The following DCDC1 variants were observed in gnomAD, a reference collection of about 807,000 sequenced individuals.
DCDC1 encodes doublecortin domain-containing protein 1.
Under a neutral mutation model 178.3 loss-of-function variants are expected in DCDC1, and 200 were observed. The observed-to-expected ratio is 1.12, with a 90% confidence interval of 1.00 to 1.26. The LOEUF (loss-of-function observed/expected upper bound fraction) is 1.26, where lower values mean the gene tolerates loss of function less well. Ranked by LOEUF, DCDC1 falls within the 50% of genes most tolerant of loss-of-function variation. DCDC1 has a pLI of 0.00. For synonymous variants in DCDC1, 690 were observed against 604.8 expected (o/e 1.14, Z -2.07); for missense variants, 1,983 against 1,749.2 (o/e 1.13, Z -2.38).
chr11:31,290,181 T>A (rs549919985), intron 7 of DCDC1, among the ~76,000 whole-genome samples: 17 of 152,020 alleles, frequency 1.1e-4, no homozygotes, highest in Non-Finnish European at 2.1e-4. Flanking sequence ...TAAAAACTTA[T>A]ATGAATACTT....
At chr11:30,962,654 T>C (rs1167297130) in intron 20 of DCDC1, among the ~76,000 whole-genome samples, 1 of 152,066 alleles carries the variant, frequency 6.6e-6, no homozygotes, top group Non-Finnish European at 1.5e-5. Flanking sequence ...AGTACATATA[T>C]ATTTAGTCTA....
At chr11:31,189,637 G>T (rs947420126) in intron 9 of DCDC1, among the ~76,000 whole-genome samples, 8 of 152,158 alleles carry the variant, frequency 5.3e-5, no homozygotes, top group Non-Finnish European at 1.2e-4. Context: ...GCTTCTAGAG[G>T]CTGTCAGCTT....
chr11:30,881,307 A>T lies in DCDC1; in HGVS notation c.5084T>A (p.Leu1695Gln). ...GAGACGAGAGGAGCAGTCTTGCAGC[A>T]GCTGAGACACAGAGGGACAGCCACA... ...TYAWGKTISELLQDCSSRLKM... is the reference protein window; with the variant it reads ...TYAWGKTISEQLQDCSSRLKM... The change falls in exon 37 of 39, where the codon CTG becomes CAG. Residue 1695 changes from leucine (L) to glutamine (Q), a missense_variant and splice_region_variant. Coordinates refer to ENST00000684477, the MANE Select transcript of DCDC1 (RefSeq NM_001387274.1). The T allele has an allele frequency of 1.2e-6, 2 of 1,612,976 alleles. No individual in the cohort carries two copies. The highest frequency in any genetic ancestry group is 1.7e-6 in the Non-Finnish European group (2 of 1,179,374).
At chr11:31,066,753 G>A (rs1249240369) in intron 18 of DCDC1, among the ~76,000 whole-genome samples, 3 of 152,120 alleles carry the variant, frequency 2.0e-5, no homozygotes, top group African/African-American at 7.2e-5. Context: ...TTTTAGGGCT[G>A]TTAAACTATT....
rs117897217 is a variant in DCDC1, at chr11:31,101,567, T to C, written c.1983+610A>G. On this transcript the variant is annotated intron_variant, in intron 15 of 38. Coordinates refer to ENST00000684477, the MANE Select transcript of DCDC1 (RefSeq NM_001387274.1). The stretch of plus-strand genomic sequence containing the variant: ...AAGACTTCCTTAAATAACTCCAACT[T>C]ATTATTATAGCTATTAACAGTACAA... Among the ~76,000 whole-genome samples the C allele has an allele frequency of 9.0e-3, 1,368 of 152,230 alleles. 16 individuals carry two copies. The highest frequency in any genetic ancestry group is 0.015 in the Non-Finnish European group (1,022 of 67,998).
chr11:31,086,994 G>A (rs576782852), intron 17 of DCDC1, among the ~76,000 whole-genome samples: 12 of 152,210 alleles, frequency 7.9e-5, no homozygotes, highest in Admixed American at 2.6e-4. Context: ...GAATTTCCCA[G>A]TGAAGCTAGT....
intron 7 of DCDC1, among the ~76,000 whole-genome samples, chr11:31,282,060 T>C (rs945538543): frequency 6.6e-6 from 1 of 152,128 alleles, no homozygotes; most frequent in Admixed American, 6.6e-5. Context: ...TTTTCTTTTC[T>C]AGTAATGTCT....
At position 30,952,497 on chromosome 11, in the gene DCDC1, C is replaced by T; in HGVS notation, c.2663G>A (p.Trp888Ter). The stretch of plus-strand genomic sequence containing the variant: ...AGGCCACATGTAGGTAAGCTTGTTC[C>T]ATAGAGGATTTTCAACTCTAGAATG... ...WKHSRVENPL[W>*]NKLTYMWPVL... The change falls in exon 21 of 39, where the codon TGG (tryptophan) becomes TAG (stop). Residue 888 changes from tryptophan to a stop codon, truncating the protein, a stop_gained. Coordinates refer to ENST00000684477, the MANE Select transcript of DCDC1 (RefSeq NM_001387274.1). LOFTEE classifies it high-confidence loss of function. 3 of 1,586,698 alleles carry T rather than the reference C, an allele frequency of 1.9e-6. No homozygotes were observed. The highest frequency in any genetic ancestry group is 2.6e-6 in the Non-Finnish European group (3 of 1,171,072).
intron 9 of DCDC1, among the ~76,000 whole-genome samples, chr11:31,181,713 G>T (rs1968824781): frequency 1.3e-5 from 2 of 152,068 alleles, no homozygotes; most frequent in South Asian, 2.1e-4. Flanking sequence ...CCACCCTAAG[G>T]TCACCAGCAT....
At chr11:31,250,411 C>CAT (rs1431913581) in intron 8 of DCDC1, among the ~76,000 whole-genome samples, 3 of 97,598 alleles carry the variant, frequency 3.1e-5, no homozygotes, top group African/African-American at 1.2e-4. Flanking sequence ...CACACACACA[C>CAT]ACACATATAC....
chr11:30,869,421 AACC>A (rs1288506296), intron 38 of DCDC1, among the ~76,000 whole-genome samples: 4 of 152,252 alleles, frequency 2.6e-5, no homozygotes, highest in Non-Finnish European at 5.9e-5. Context: ...AAACTTTTTA[AACC>A]AACAAGTTAC....
chr11:30,937,412 A>G (rs181795700), intron 21 of DCDC1, among the ~76,000 whole-genome samples: 1 of 152,180 alleles, frequency 6.6e-6, no homozygotes, highest in East Asian at 1.9e-4. Flanking sequence ...GTCCTCATCA[A>G]TGGTCATGAG....
At chr11:31,226,415 A>G (rs190566309) in intron 9 of DCDC1, among the ~76,000 whole-genome samples, 1 of 152,164 alleles carries the variant, frequency 6.6e-6, no homozygotes, top group East Asian at 1.9e-4. Flanking sequence ...TTAGAGCCAC[A>G]CATATCCAAA....
At chr11:30,934,281 A>C (rs1457268758) in intron 21 of DCDC1, among the ~76,000 whole-genome samples, 2 of 152,164 alleles carry the variant, frequency 1.3e-5, no homozygotes, top group East Asian at 3.9e-4. Context: ...AATTTGTCAA[A>C]TCTCTCTGGT....
rs769337920 is a variant in DCDC1, at chr11:31,305,583, T to TG, written c.754+31dup. 3 of 1,609,210 alleles carry TG rather than the reference T, an allele frequency of 1.9e-6. No individual in the cohort carries two copies. In the South Asian group the frequency reaches 3.3e-5, roughly 18 times the overall value. Reference sequence around the variant, plus strand: ...CACCCCTTAAGCAATTCAGTATGTGTGGGGGTAGGGTATTTTTTAGATCTT... The same window carrying TG: ...CACCCCTTAAGCAATTCAGTATGTGTGGGGGGTAGGGTATTTTTTAGATCTT... On this transcript the variant is annotated intron_variant, in intron 6 of 38. Transcript: ENST00000684477.
At chr11:30,876,957 G>A (rs1248585258) in intron 38 of DCDC1, among the ~76,000 whole-genome samples, 1 of 151,844 alleles carries the variant, frequency 6.6e-6, no homozygotes, top group African/African-American at 2.4e-5. Context: ...AGGCAAAACA[G>A]AAGTCACATG....
intron 20 of DCDC1, among the ~76,000 whole-genome samples, chr11:31,030,139 A>AT (rs35693769): frequency 0.46 from 69,797 of 150,696 alleles, 16,540 homozygotes; most frequent in African/African-American, 0.56. Flanking sequence ...TATACAAATC[A>AT]TTTTTTTTTC....
At chr11:31,315,388 G>A (rs952893462) in intron 3 of DCDC1, among the ~76,000 whole-genome samples, 6 of 126,942 alleles carry the variant, frequency 4.7e-5, no homozygotes, top group Non-Finnish European at 9.4e-5. Context: ...TACAGTCTCG[G>A]CTCACTGGTA....
At chr11:31,032,718 G>T (rs1305830463) in intron 20 of DCDC1, among the ~76,000 whole-genome samples, 1 of 152,138 alleles carries the variant, frequency 6.6e-6, no homozygotes, top group Non-Finnish European at 1.5e-5. Context: ...GAGCTTTCTT[G>T]TTCCCATTGA....
Sources: allele counts gnomAD v4.1 joint callset (sites outside exome capture counted in the v4.1 genomes callset), GRCh38; gene constraint gnomAD v4.1.1; transcripts MANE v1.5; gene names NCBI Gene and HGNC (gene_info 2026-07-23, HGNC 2026-07-21).